ASAH2: variants seen among roughly 807,000 people sequenced by gnomAD.
ASAH2 encodes the protein N-acylsphingosine amidohydrolase 2, also known as neutral ceramidase.
Under a neutral mutation model 82.9 loss-of-function variants are expected in ASAH2, and 58 were observed. The ratio of observed to expected loss-of-function variants is 0.70; its 90% CI spans 0.57 to 0.87. The LOEUF is 0.87. Among genes scored for constraint, ASAH2 ranks in the 40% least tolerant of loss-of-function variants. The pLI is 0.00. For missense variants in ASAH2, 779 were observed against 834.0 expected (o/e 0.93, Z 0.81); for synonymous variants, 276 against 289.7 (o/e 0.95, Z 0.48).
chr10:50,234,711 A>G (rs569413046), intron 5 of ASAH2, among the ~76,000 whole-genome samples, 159 bp from the exon 6 acceptor site: 1 of 152,214 alleles, frequency 6.6e-6, no homozygotes, highest in African/African-American at 2.4e-5. Context: ...GCTGTTGACA[A>G]TCTGGAGGTA....
intron 14 of ASAH2, among the ~76,000 whole-genome samples, chr10:50,204,041 A>C (rs1189975111): frequency 5.3e-5 from 8 of 152,130 alleles, no homozygotes; most frequent in African/African-American, 1.7e-4. Flanking sequence ...TAATAAAGCC[A>C]ATGTGGCTGA....
At chr10:50,210,154 G>T (rs564233806) in intron 12 of ASAH2, among the ~76,000 whole-genome samples, 41 of 152,238 alleles carry the variant, frequency 2.7e-4, no homozygotes, top group African/African-American at 9.4e-4. Flanking sequence ...ATCAACTGAG[G>T]AAGGTTTAAA....
intron 7 of ASAH2, among the ~76,000 whole-genome samples, chr10:50,229,418 T>C (rs1462163156): frequency 6.6e-6 from 1 of 152,146 alleles, no homozygotes; most frequent in Non-Finnish European, 1.5e-5. Flanking sequence ...TTTTCTGACA[T>C]AGAGCAACTA....
At chr10:50,242,092 C>G (rs1309080024) in intron 4 of ASAH2, among the ~76,000 whole-genome samples, 1 of 152,106 alleles carries the variant, frequency 6.6e-6, no homozygotes, top group African/African-American at 2.4e-5. Flanking sequence ...TGTTCAGAAT[C>G]CAGCTCTACC....
chr10:50,185,894 C>T lies in ASAH2; in HGVS notation c.*1421G>A, dbSNP rs1844733726. On this transcript the variant is annotated 3_prime_UTR_variant, in exon 21 of 21. Transcript: ENST00000682911. ...CAGATTGATTTTTTTCCCTAAAATGCTAAAGCTTTTACATACATACAAAAG... is the reference window on the plus strand; with the variant it reads ...CAGATTGATTTTTTTCCCTAAAATGTTAAAGCTTTTACATACATACAAAAG... 6.9e-6 allele frequency: 1 copy of T among 145,194 alleles called. No individual in the cohort carries two copies. The highest frequency in any genetic ancestry group is 2.6e-5 in the African/African-American group (1 of 37,852). 9.0% of individuals were successfully genotyped at this position (145,194 alleles called of 1,614,324 possible).
At chr10:50,228,412 T>C (rs1845942712) in intron 7 of ASAH2, among the ~76,000 whole-genome samples, 1 of 152,048 alleles carries the variant, frequency 6.6e-6, no homozygotes. Flanking sequence ...CAGTCAGACA[T>C]TACAATTCAA....
At chr10:50,244,337 C>A (rs769063036) in intron 3 of ASAH2, among the ~76,000 whole-genome samples, 2 of 152,136 alleles carry the variant, frequency 1.3e-5, no homozygotes, top group Non-Finnish European at 2.9e-5. Flanking sequence ...CAAGCCACTT[C>A]TCTCACCATG....
intron 4 of ASAH2, among the ~76,000 whole-genome samples, chr10:50,238,908 A>AG (rs1216333284): frequency 6.6e-6 from 1 of 152,198 alleles, no homozygotes; most frequent in Non-Finnish European, 1.5e-5. Flanking sequence ...TGGGACTTCT[A>AG]GCGGGGAGAA....
At position 50,245,306 on chromosome 10, in the gene ASAH2, C is replaced by G; in HGVS notation, c.276G>C (p.Glu92Asp). The G allele has an allele frequency of 6.2e-7, 1 of 1,614,004 alleles. No individual in the cohort carries two copies. Among genetic ancestry groups the G allele is most frequent in the Non-Finnish European group, 8.5e-7 (1 of 1,180,006 alleles). Residue 92 changes from glutamate to aspartate, a missense_variant, in exon 3 of 21, where the codon GAG (glutamate) becomes GAC (aspartate). By Grantham distance (45) the Glu-to-Asp change is conservative. Coordinates refer to ENST00000682911, the MANE Select transcript of ASAH2 (RefSeq NM_019893.4). ...CACTGAAGTTCTGAAATAGAGGAGA[C>G]TCTGGGGTTAAAGGCACTGGAGAAG... is the stretch of plus-strand genomic sequence containing the variant. The part of the protein sequence containing the change: ...TQTSPVPLTP[E>D]SPLFQNFSGY...
At chr10:50,245,494 C>T in intron 2 of ASAH2, 40 bp from the exon 3 acceptor site, 1 of 1,548,978 alleles carries the variant, frequency 6.5e-7, no homozygotes, top group Non-Finnish European at 8.8e-7. Context: ...ACATTTCAGC[C>T]CTCTTATTTG....
At chr10:50,196,258 T>A (rs1221250578) in intron 18 of ASAH2, among the ~76,000 whole-genome samples, 2 of 151,854 alleles carry the variant, frequency 1.3e-5, no homozygotes, top group Admixed American at 6.6e-5. Context: ...GATAAATAAT[T>A]AGGTGCATTT....
At chr10:50,204,291 C>A (rs1158572996) in intron 14 of ASAH2, among the ~76,000 whole-genome samples, 4 of 151,842 alleles carry the variant, frequency 2.6e-5, no homozygotes, top group Admixed American at 2.6e-4. Flanking sequence ...GACCAGACAG[C>A]AGGTTATTTC....
At chr10:50,234,286 A>T (rs1375317558) in intron 6 of ASAH2, 139 bp downstream of exon 6, 1 of 1,211,716 alleles carries the variant, frequency 8.3e-7, no homozygotes, top group African/African-American at 1.5e-5. Flanking sequence ...TTTAGATTAC[A>T]CAGATGTTTT....
chr10:50,238,011 T>C (rs1350118236), intron 4 of ASAH2, among the ~76,000 whole-genome samples: 1 of 152,194 alleles, frequency 6.6e-6, no homozygotes, highest in African/African-American at 2.4e-5. Context: ...ATGTTTACCT[T>C]GAGTATGGCA....
intron 16 of ASAH2, among the ~76,000 whole-genome samples, chr10:50,200,191 C>A (rs1398927524): frequency 5.9e-5 from 9 of 151,488 alleles, no homozygotes; most frequent in Non-Finnish European, 1.3e-4. Context: ...TTCTACACTG[C>A]CATCTATTGA....
At chr10:50,203,935 C>A (rs1845226992) in intron 14 of ASAH2, among the ~76,000 whole-genome samples, 1 of 151,972 alleles carries the variant, frequency 6.6e-6, no homozygotes, top group East Asian at 1.9e-4. Flanking sequence ...TGGCAAAAAT[C>A]ATCATTATTT....
At chr10:50,246,971 T>A (rs760110004) in intron 2 of ASAH2, among the ~76,000 whole-genome samples, 4 of 152,142 alleles carry the variant, frequency 2.6e-5, no homozygotes, top group Non-Finnish European at 5.9e-5. Flanking sequence ...GCATCCACCC[T>A]TATAGGATTT....
intron 16 of ASAH2, among the ~76,000 whole-genome samples, chr10:50,200,606 C>G (rs1316244312): frequency 1.3e-5 from 2 of 152,018 alleles, no homozygotes; most frequent in Admixed American, 6.6e-5. Flanking sequence ...CTTGTGCATG[C>G]CTTTCATGGA....
At chr10:50,213,155 A>G in intron 9 of ASAH2, 97 bp from the exon 10 acceptor site, 1 of 1,138,582 alleles carries the variant, frequency 8.8e-7, no homozygotes, top group Non-Finnish European at 1.3e-6. Flanking sequence ...AGATTTTTAA[A>G]ACCACATTCT....
Sources: allele counts gnomAD v4.1 joint callset (sites outside exome capture counted in the v4.1 genomes callset), GRCh38; gene constraint gnomAD v4.1.1; transcripts MANE v1.5; gene names NCBI Gene and HGNC (gene_info 2026-07-23, HGNC 2026-07-21).